KLHL11: variants seen among roughly 807,000 people sequenced by gnomAD.
KLHL11 encodes the protein kelch like family member 11.
Under a neutral mutation model 56.1 loss-of-function variants are expected in KLHL11, and 26 were observed. The observed-to-expected ratio is 0.46, with a 90% CI of 0.34 to 0.64. KLHL11 has a LOEUF of 0.64. KLHL11 is among the 30% of genes least tolerant of loss of function. The pLI is 0.01. For synonymous variants in KLHL11, 338 were observed against 345.8 expected (o/e 0.98, Z 0.25); for missense variants, 627 against 919.4 (o/e 0.68, Z 4.11).
chr17:41,855,666 C>T (rs1424716246), intron 1 of KLHL11, among the ~76,000 whole-genome samples: 8 of 151,572 alleles, frequency 5.3e-5, no homozygotes, highest in African/African-American at 7.3e-5. Flanking sequence ...CTGCCGTGCC[C>T]GGCCTACATT....
Position 41,865,227 on chromosome 17 carries a change from G to A in KLHL11, c.144C>T (p.Phe48=), listed in dbSNP as rs782727967. 3 of 1,599,390 alleles carry A rather than the reference G, an allele frequency of 1.9e-6. No individual in the cohort carries two copies. The Admixed American group carries it at 5.1e-5, about 27-fold the overall frequency. The change falls in exon 1 of 2, where the codon TTC becomes TTT. Residue 48 remains phenylalanine (F), a synonymous_variant. Transcript: ENST00000319121. ...TTGCAGAGATCCCCGGCCCAGGCCC[G>A]AAGTCCACCGTGCCGCTGCCTCGGA... The part of the protein sequence containing the change: ...AEVRGSGTVD[F]GPGPGISAME...
chr17:41,856,069 C>G (rs185499069), intron 1 of KLHL11, among the ~76,000 whole-genome samples: 1 of 151,436 alleles, frequency 6.6e-6, no homozygotes, highest in African/African-American at 2.4e-5. Flanking sequence ...TGGCTCACGG[C>G]GACACCCTTC....
chr17:41,864,728 C>A, intron 1 of KLHL11, 98 bp downstream of exon 1: 2 of 1,248,680 alleles, frequency 1.6e-6, no homozygotes, highest in South Asian at 3.3e-5. Flanking sequence ...ACTCAGGACT[C>A]GCGAGCTGCC....
rs1435438317 is a variant in KLHL11, at chr17:41,849,738, A to G, written c.*4002T>C. On this transcript the variant is annotated 3_prime_UTR_variant, in exon 2 of 2. Transcript: ENST00000319121. ...TCATGATACACAAGACTAATCATGCAAACAACTGTAAGTGGGATGTGTTAC... is the reference window on the plus strand; with the variant it reads ...TCATGATACACAAGACTAATCATGCGAACAACTGTAAGTGGGATGTGTTAC... 1 of 152,194 alleles carries G rather than the reference A, an allele frequency of 6.6e-6. No individual in the cohort carries two copies. The highest frequency in any genetic ancestry group is 2.4e-5 in the African/African-American group (1 of 41,448). The allele number at this position is 152,194 out of a possible 1,614,324, so 9.4% of individuals were successfully genotyped here.
At chr17:41,856,666 T>C (rs908344359) in intron 1 of KLHL11, among the ~76,000 whole-genome samples, 2 of 151,560 alleles carry the variant, frequency 1.3e-5, no homozygotes, top group Admixed American at 1.3e-4. Flanking sequence ...TGAGGGTCGC[T>C]TGAGCCAGGA....
intron 1 of KLHL11, among the ~76,000 whole-genome samples, chr17:41,861,437 C>G (rs988826089): frequency 1.3e-5 from 2 of 152,052 alleles, no homozygotes; most frequent in Non-Finnish European, 2.9e-5. Context: ...CGGTGGCTCA[C>G]GCCTGTAATC....
intron 1 of KLHL11, among the ~76,000 whole-genome samples, chr17:41,860,309 A>T (rs2048394605): frequency 7.3e-6 from 1 of 136,308 alleles, no homozygotes; most frequent in South Asian, 2.4e-4. Flanking sequence ...TGTGAGGGGC[A>T]TTGTGCACAT....
rs1555623493 is a variant in KLHL11 at position 41,865,410 on chromosome 17, A to G, written c.-40T>C. 2 of 1,235,980 alleles carry G rather than the reference A, an allele frequency of 1.6e-6. No individual in the cohort carries two copies. Among genetic ancestry groups the G allele is most frequent in the Non-Finnish European group, 2.1e-6 (2 of 936,910 alleles). The allele number at this position is 1,235,980 out of a possible 1,614,324, so 76.6% of individuals were successfully genotyped here. On this transcript the variant is annotated 5_prime_UTR_variant, in exon 1 of 2. Coordinates refer to ENST00000319121, the MANE Select transcript of KLHL11 (RefSeq NM_018143.3). ...GCCCGGCCTCCACAGCCTCGGAACG[A>G]TGCGGCTGTTGGTACGACACAGAGG...
chr17:41,853,714 G>A lies in KLHL11; in HGVS notation c.*26C>T. On this transcript the variant is annotated 3_prime_UTR_variant, in exon 2 of 2. Coordinates refer to ENST00000319121, the MANE Select transcript of KLHL11 (RefSeq NM_018143.3). ...TCAGCTTCACGAAACGGGTGTAACA[G>A]TTTTAATCGGCACGCTTGAGAGAAC... 1 of 1,583,988 alleles carries A rather than the reference G, an allele frequency of 6.3e-7. No individual in the cohort carries two copies. Among genetic ancestry groups the A allele is most frequent in the Non-Finnish European group, 8.6e-7 (1 of 1,162,866 alleles).
rs1377210541 is a variant in KLHL11, at chr17:41,854,412, T to C, written c.1455A>G (p.Glu485=). 2 of 1,614,094 alleles carry C rather than the reference T, an allele frequency of 1.2e-6. No homozygotes were observed. Among genetic ancestry groups the C allele is most frequent in the East Asian group, 2.2e-5 (1 of 44,902 alleles). ...NPELDKWHNL[E]SAPKILRDVK... ...CATCTCGAAGAATCTTTGGTGCCGA[T>C]TCCAAGTTGTGCCATTTATCAAGCT... is the stretch of plus-strand genomic sequence containing the variant. The change falls in exon 2 of 2, where the codon GAA becomes GAG. Residue 485 remains glutamate (E), a synonymous_variant. Coordinates refer to ENST00000319121, the MANE Select transcript of KLHL11 (RefSeq NM_018143.3). The surrounding 1 kb of genome is among the most constrained non-coding windows in gnomAD (Gnocchi z 4.9).
chr17:41,859,069 G>T (rs1435573728), intron 1 of KLHL11, among the ~76,000 whole-genome samples: 3 of 152,072 alleles, frequency 2.0e-5, no homozygotes, highest in Non-Finnish European at 4.4e-5. Flanking sequence ...GATTCAAGTT[G>T]CCCTGAATAT....
intron 1 of KLHL11, among the ~76,000 whole-genome samples, chr17:41,856,925 C>G (rs952497367): frequency 4.6e-5 from 7 of 151,914 alleles, no homozygotes; most frequent in Non-Finnish European, 1.0e-4. Context: ...GAGGCTGAGG[C>G]AGGAGAATCA....
intron 1 of KLHL11, among the ~76,000 whole-genome samples, chr17:41,855,674 A>G (rs1258502426): frequency 3.8e-5 from 5 of 132,446 alleles, no homozygotes; most frequent in Non-Finnish European, 6.5e-5. Context: ...CCCGGCCTAC[A>G]TTTTTTTTTT....
In KLHL11 at chr17:41,853,528, C is replaced by T; in HGVS notation, c.*212G>A. On this transcript the variant is annotated 3_prime_UTR_variant, in exon 2 of 2. Coordinates refer to ENST00000319121, the MANE Select transcript of KLHL11 (RefSeq NM_018143.3). ...ATCTTATTTAGCTAGCACAAACAAA[C>T]AAACCAAAGACAAAAATTGCAAGCT... 1.9e-6 allele frequency: 1 copy of T among 515,020 alleles called. No individual in the cohort carries two copies. Among genetic ancestry groups the T allele is most frequent in the Non-Finnish European group, 3.3e-6 (1 of 306,944 alleles). The allele number at this position is 515,020 out of a possible 1,614,324, so 31.9% of individuals were successfully genotyped here.
Position 41,854,597 on chromosome 17 carries a change from C to T in KLHL11, c.1270G>A (p.Glu424Lys). ...SMEPGFAKTV[E>K]RYNPNLNTWE... ...GTATTCAAATTTGGGTTATACCTTTCTACAGTTTTAGCAAACCCTGGCTCC... is the reference window on the plus strand; with the variant it reads ...GTATTCAAATTTGGGTTATACCTTTTTACAGTTTTAGCAAACCCTGGCTCC... The change falls in exon 2 of 2, where the codon GAA (glutamate) becomes AAA (lysine). Residue 424 changes from glutamate (E) to lysine (K), a missense_variant. Glu to Lys is a moderately conservative substitution (Grantham distance 56). This residue lies in a region of KLHL11 where 250 missense variants were observed against 360.6 expected (regional missense o/e 0.69). Coordinates refer to ENST00000319121, the MANE Select transcript of KLHL11 (RefSeq NM_018143.3). The surrounding 1 kb of genome is among the most constrained non-coding windows in gnomAD (Gnocchi z 4.9). 6.2e-7 allele frequency: 1 copy of T among 1,614,216 alleles called. No homozygotes were observed. The highest frequency in any genetic ancestry group is 8.5e-7 in the Non-Finnish European group (1 of 1,180,036).
Position 41,852,634 on chromosome 17 carries a change from C to G in KLHL11, c.*1106G>C, listed in dbSNP as rs2048338302. On this transcript the variant is annotated 3_prime_UTR_variant, in exon 2 of 2. Coordinates refer to ENST00000319121, the MANE Select transcript of KLHL11 (RefSeq NM_018143.3). ...GGTGAAACCCTGTCTCTACTAAAAG[C>G]ACAAAAATTAGCCAGGCGTGATGGT... 6.6e-6 allele frequency among the ~76,000 whole-genome samples: 1 copy of G among 151,534 alleles called. No homozygotes were observed. The highest frequency in any genetic ancestry group is 6.6e-5 in the Admixed American group (1 of 15,212).
intron 1 of KLHL11, among the ~76,000 whole-genome samples, chr17:41,860,888 T>C (rs1356102236): frequency 6.6e-6 from 1 of 152,172 alleles, no homozygotes. Flanking sequence ...CCCCAAAATA[T>C]ACTCATTTGA....
rs782269338 is a variant in KLHL11, at chr17:41,848,583, T to C, written c.*5157A>G. On this transcript the variant is annotated 3_prime_UTR_variant, in exon 2 of 2. Coordinates refer to ENST00000319121, the MANE Select transcript of KLHL11 (RefSeq NM_018143.3). ...TTAGTAGCTTTAACAGAGAACAAGA[T>C]AGCTTCAGGAACATAAAACAAGCTA... 9.4e-5 allele frequency: 33 copies of C among 352,270 alleles called. No individual in the cohort carries two copies. Among genetic ancestry groups the C allele is most frequent in the Non-Finnish European group, 1.5e-4 (29 of 191,662 alleles). The allele number at this position is 352,270 out of a possible 1,614,324, so 21.8% of individuals were successfully genotyped here.
chr17:41,864,873 G>C lies in KLHL11; in HGVS notation c.498C>G (p.Ile166Met). 1.3e-6 allele frequency: 2 copies of C among 1,575,538 alleles called. No homozygotes were observed. The highest frequency in any genetic ancestry group is 1.7e-6 in the Non-Finnish European group (2 of 1,158,520). ...CGTGCACGCTGCCCGTGCTGACGCG[G>C]ATGCGCCCGGTGTACATGTACTCGA... is the stretch of plus-strand genomic sequence containing the variant. Reference protein sequence around the residue: ...AVIEYMYTGRIRVSTGSVHEV... With the variant: ...AVIEYMYTGRMRVSTGSVHEV... Residue 166 changes from isoleucine to methionine, a missense_variant, in exon 1 of 2, where the codon ATC becomes ATG. Transcript: ENST00000319121.
Sources: allele counts gnomAD v4.1 joint callset (sites outside exome capture counted in the v4.1 genomes callset), GRCh38; gene constraint gnomAD v4.1.1; regional missense constraint gnomAD v4.1.1; non-coding constraint Gnocchi (gnomAD v3.1); transcripts MANE v1.5; gene names NCBI Gene and HGNC (gene_info 2026-07-23, HGNC 2026-07-21).